The following ACTN1 variants were observed in gnomAD, a reference collection of about 807,000 sequenced individuals.
ACTN1 encodes the protein alpha-actinin-1.
In ACTN1, 30 loss-of-function variants were observed where a neutral mutation model predicts 119.6. The ratio of observed to expected loss-of-function variants is 0.25; its 90% CI spans 0.19 to 0.34. The LOEUF is 0.34. Among genes scored for constraint, ACTN1 ranks in the 10% least tolerant of loss-of-function variants. The pLI is 1.00. For synonymous variants in ACTN1, 429 were observed against 472.6 expected (o/e 0.91, Z 1.20); for missense variants, 764 against 1,223.4 (o/e 0.62, Z 5.60).
intron 3 of ACTN1, among the ~76,000 whole-genome samples, chr14:68,915,711 G>A (rs1018022933): frequency 6.6e-5 from 10 of 152,196 alleles, no homozygotes; most frequent in East Asian, 1.9e-4. Context: ...GGCCTGGGAC[G>A]AAGTACGACA....
chr14:68,940,422 C>A (rs1340377690), intron 1 of ACTN1, among the ~76,000 whole-genome samples: 1 of 152,094 alleles, frequency 6.6e-6, no homozygotes, highest in African/African-American at 2.4e-5. Context: ...TGAGGTATGA[C>A]CCTCAGTCTT....
chr14:68,956,600 C>T (rs543177508), intron 1 of ACTN1, among the ~76,000 whole-genome samples: 29 of 152,232 alleles, frequency 1.9e-4, no homozygotes, highest in African/African-American at 6.7e-4. Context: ...TGAACCTCTC[C>T]ACTTGGGTAG....
At chr14:68,978,567 GA>G in intron 1 of ACTN1, 1 of 286,508 alleles carries the variant, frequency 3.5e-6, no homozygotes, top group Non-Finnish European at 6.8e-6. Context: ...GAAGAAAAGG[GA>G]AAATCGATCC....
intron 2 of ACTN1, among the ~76,000 whole-genome samples, chr14:68,924,366 C>T (rs2034809277): frequency 6.6e-6 from 1 of 152,140 alleles, no homozygotes; most frequent in South Asian, 2.1e-4. Context: ...TGTGCAAAGG[C>T]ACAGGAAACA....
intron 3 of ACTN1, 128 bp from the exon 4 acceptor site, chr14:68,912,370 G>T: frequency 1.3e-6 from 1 of 744,510 alleles, no homozygotes; most frequent in Non-Finnish European, 2.3e-6. Context: ...TACTTCTAGA[G>T]GGAAACAGGA....
chr14:68,904,523 G>C (rs2033546164), intron 7 of ACTN1, 132 bp downstream of exon 7: 1 of 683,412 alleles, frequency 1.5e-6, no homozygotes, highest in South Asian at 1.8e-5. Context: ...TGATCCCCAT[G>C]CTCCTCAAAT....
At chr14:68,894,593 G>C (rs550579558) in intron 8 of ACTN1, among the ~76,000 whole-genome samples, 1 of 152,264 alleles carries the variant, frequency 6.6e-6, no homozygotes, top group East Asian at 1.9e-4. Flanking sequence ...CTTCAAATAG[G>C]TGGTTTTAAA....
chr14:68,892,846 C>T (rs1052355559), intron 9 of ACTN1, among the ~76,000 whole-genome samples: 36 of 152,180 alleles, frequency 2.4e-4, no homozygotes, highest in African/African-American at 8.7e-4. Flanking sequence ...TGGAGGGGTG[C>T]ACATGACAAT....
Position 68,925,520 on chromosome 14 carries a change from ATAGACAG to A in ACTN1, c.220+31_220+37del, listed in dbSNP as rs1383505925. 6.4e-7 allele frequency: 1 copy of A among 1,561,154 alleles called. No individual in the cohort carries two copies. Among genetic ancestry groups the A allele is most frequent in the South Asian group, 1.1e-5 (1 of 87,290 alleles). On this transcript the variant is annotated intron_variant, in intron 2 of 21. Coordinates refer to ENST00000394419, the MANE Select transcript of ACTN1 (RefSeq NM_001130004.2). The surrounding 1 kb of genome is among the most constrained non-coding windows in gnomAD (Gnocchi z 4.3). ...GATGCCAAGGTGTCAGGCAGCACCA[ATAGACAG>A]TATCTCGTCCTGGGCCAGGTTCCGC...
chr14:68,968,567 G>A (rs1358312394), intron 1 of ACTN1, among the ~76,000 whole-genome samples: 1 of 152,242 alleles, frequency 6.6e-6, no homozygotes, highest in Admixed American at 6.5e-5. Flanking sequence ...TTGGAACAGC[G>A]GTTAACTCCG....
rs761088344 is a variant in ACTN1 at position 68,878,453 on chromosome 14, G to T, written c.2427+5C>A. On this transcript the variant is annotated splice_donor_5th_base_variant and intron_variant, in intron 20 of 21. Coordinates refer to ENST00000394419, the MANE Select transcript of ACTN1 (RefSeq NM_001130004.2). The surrounding 1 kb of genome is among the most constrained non-coding windows in gnomAD (Gnocchi z 4.4). The stretch of plus-strand genomic sequence containing the variant: ...AGGGCAGACAGAGGGTGGGGTTTAC[G>T]TTACCATGTTGTAACCCATGGAGAT... 6.5e-7 allele frequency: 1 copy of T among 1,546,428 alleles called. No individual in the cohort carries two copies. Among genetic ancestry groups the T allele is most frequent in the Non-Finnish European group, 8.7e-7 (1 of 1,144,582 alleles).
intron 10 of ACTN1, among the ~76,000 whole-genome samples, 193 bp downstream of exon 10, chr14:68,891,860 C>T (rs964942320): frequency 6.6e-6 from 1 of 152,148 alleles, no homozygotes; most frequent in Non-Finnish European, 1.5e-5. Flanking sequence ...GAGGGGGCTG[C>T]CCCACATGGC....
Position 68,880,449 on chromosome 14 carries a change from G to A in ACTN1, c.2134-341C>T, listed in dbSNP as rs531567929. On this transcript the variant is annotated intron_variant, in intron 17 of 21. Coordinates refer to ENST00000394419, the MANE Select transcript of ACTN1 (RefSeq NM_001130004.2). This position sits in a 1 kb window ranked among gnomAD's most constrained non-coding sequence, Gnocchi z 4.6. ...CCCGAACCTCCAACCCCACAGCCAC[G>A]CGCGCACACACACATACACACACAC... Among the ~76,000 whole-genome samples, 17 of 121,190 alleles carry A rather than the reference G, an allele frequency of 1.4e-4. No individual in the cohort carries two copies. The highest frequency in any genetic ancestry group is 4.6e-4 in the Admixed American group (5 of 10,878). 79.5% of individuals were successfully genotyped at this position (121,190 alleles called of 152,430 possible).
chr14:68,921,245 G>A, intron 2 of ACTN1, 120 bp from the exon 3 acceptor site: 3 of 1,311,946 alleles, frequency 2.3e-6, no homozygotes, highest in Non-Finnish European at 3.1e-6. Context: ...GTGCATGTGT[G>A]CACGTGTGTG....
chr14:68,969,616 G>A (rs971046423), intron 1 of ACTN1, among the ~76,000 whole-genome samples: 1 of 152,206 alleles, frequency 6.6e-6, no homozygotes, highest in Non-Finnish European at 1.5e-5. Flanking sequence ...GCCAAACGCT[G>A]ACAGACAGGC....
In ACTN1 at chr14:68,878,029, C is replaced by T. The variant is rs745865089; in HGVS notation, c.2427+429G>A. ...ACTAGGAAGGTTGGGGGGTGGGGGA[C>T]GGCCTGGGACAATCCAGAGGGGCGG... is the stretch of plus-strand genomic sequence containing the variant. On this transcript the variant is annotated intron_variant, in intron 20 of 21. Coordinates refer to ENST00000394419, the MANE Select transcript of ACTN1 (RefSeq NM_001130004.2). This position sits in a 1 kb window ranked among gnomAD's most constrained non-coding sequence, Gnocchi z 4.4. 8 of 170,368 alleles carry T rather than the reference C, an allele frequency of 4.7e-5. No individual in the cohort carries two copies. Among genetic ancestry groups the T allele is most frequent in the South Asian group, 3.1e-4 (2 of 6,530 alleles). 10.6% of individuals were successfully genotyped at this position (170,368 alleles called of 1,614,324 possible). A position where few individuals can be genotyped will look rare whatever the true frequency, so the allele number is the denominator to read the frequency against.
At chr14:68,904,068 C>G (rs2033514897) in intron 7 of ACTN1, among the ~76,000 whole-genome samples, 1 of 152,186 alleles carries the variant, frequency 6.6e-6, no homozygotes, top group South Asian at 2.1e-4. Context: ...CATGGAGCCA[C>G]TGCCTCTGGC....
At chr14:68,902,893 C>T (rs1216738892) in intron 7 of ACTN1, among the ~76,000 whole-genome samples, 2 of 152,150 alleles carry the variant, frequency 1.3e-5, no homozygotes, top group East Asian at 3.8e-4. Flanking sequence ...AGAAACACAA[C>T]CGAATGCCAG....
At chr14:68,901,233 GTTTTGTTTTTGTTTTGT>G (rs2033302490) in intron 8 of ACTN1, among the ~76,000 whole-genome samples, 2 of 129,230 alleles carry the variant, frequency 1.5e-5, no homozygotes, top group African/African-American at 5.8e-5. Flanking sequence ...TTTTTGTTTT[GTTTTGTTTTTGTTTTGT>G]TTTTTTTTTT....
Sources: gnomAD v4.1 joint callset for allele counts (sites outside exome capture counted in the v4.1 genomes callset) on GRCh38, gnomAD v4.1.1 for gene constraint, Gnocchi (gnomAD v3.1) non-coding constraint, MANE v1.5 for transcripts, NCBI Gene and HGNC (gene_info 2026-07-23, HGNC 2026-07-21) for gene names.